Variants in ATRNL1 observed in about 807,000 individuals in gnomAD.
The protein encoded by ATRNL1 is attractin like 1.
Under a neutral mutation model 182.7 loss-of-function variants are expected in ATRNL1, and 95 were observed. That is an observed-to-expected ratio of 0.52 (90% CI 0.44 to 0.62). The LOEUF is 0.62. Among genes scored for constraint, ATRNL1 ranks in the 20% least tolerant of loss-of-function variants. The pLI is 0.00. For synonymous variants in ATRNL1, 576 were observed against 568.3 expected (o/e 1.01, Z -0.19); for missense variants, 1,471 against 1,679.5 (o/e 0.88, Z 2.17).
intron 8 of ATRNL1, among the ~76,000 whole-genome samples, chr10:115,193,825 G>T (rs1848255226): frequency 6.6e-6 from 1 of 151,366 alleles, no homozygotes; most frequent in Non-Finnish European, 1.5e-5. Context: ...TTTTTTTAAT[G>T]TAAGGATTTA....
intron 10 of ATRNL1, among the ~76,000 whole-genome samples, chr10:115,249,190 C>T (rs550178227): frequency 6.6e-6 from 1 of 152,132 alleles, no homozygotes; most frequent in East Asian, 1.9e-4. Context: ...GACAGGATTT[C>T]ATCATGTTGG....
chr10:115,712,325 G>T (rs1947085630), intron 26 of ATRNL1, among the ~76,000 whole-genome samples: 1 of 152,270 alleles, frequency 6.6e-6, no homozygotes, highest in African/African-American at 2.4e-5. Context: ...CAGGCAAAAT[G>T]ATATGCCTAA....
intron 19 of ATRNL1, among the ~76,000 whole-genome samples, chr10:115,348,651 T>C (rs782544474): frequency 6.6e-6 from 1 of 152,160 alleles, no homozygotes; most frequent in Non-Finnish European, 1.5e-5. Context: ...TAAATACTTA[T>C]TGAATGCCTA....
intron 25 of ATRNL1, among the ~76,000 whole-genome samples, chr10:115,544,175 T>C (rs1190632435): frequency 1.3e-5 from 2 of 152,152 alleles, no homozygotes; most frequent in Admixed American, 6.5e-5. Flanking sequence ...TGTTCAATGA[T>C]ACCCATTAAA....
At chr10:115,912,807 T>G (rs563676169) in intron 28 of ATRNL1, among the ~76,000 whole-genome samples, 6 of 152,182 alleles carry the variant, frequency 3.9e-5, no homozygotes, top group Non-Finnish European at 8.8e-5. Flanking sequence ...CTTGGAAGAA[T>G]GTCATCACTC....
intron 5 of ATRNL1, among the ~76,000 whole-genome samples, chr10:115,142,273 G>A (rs1845783178): frequency 6.6e-6 from 1 of 152,160 alleles, no homozygotes; most frequent in Non-Finnish European, 1.5e-5. Context: ...AAGCAAGAGA[G>A]TTCAACCATA....
chr10:115,112,163 G>A (rs1347464548), intron 1 of ATRNL1, among the ~76,000 whole-genome samples: 3 of 152,074 alleles, frequency 2.0e-5, no homozygotes, highest in African/African-American at 7.2e-5. Flanking sequence ...GGTGACACAA[G>A]TAAATGGAAA....
At chr10:115,104,318 CCTTTTGACATTGGTATGTCTT>C (rs1554865371) in intron 1 of ATRNL1, among the ~76,000 whole-genome samples, 1 of 152,018 alleles carries the variant, frequency 6.6e-6, no homozygotes, top group African/African-American at 2.4e-5. Context: ...TTTTTATTTA[CCTTTTGACATTGGTATGTCTT>C]CTTTTGAGAA....
chr10:115,916,851 A>C (rs1363185839), intron 28 of ATRNL1, among the ~76,000 whole-genome samples: 1 of 152,074 alleles, frequency 6.6e-6, no homozygotes, highest in East Asian at 1.9e-4. Context: ...ACTTTGAGAT[A>C]CCCAGAATCC....
At chr10:115,840,217 A>G (rs1168128908) in intron 27 of ATRNL1, among the ~76,000 whole-genome samples, 1 of 152,104 alleles carries the variant, frequency 6.6e-6, no homozygotes, top group Non-Finnish European at 1.5e-5. Flanking sequence ...GAAGTTTGGC[A>G]TTGGGATTAG....
chr10:115,279,983 T>A (rs1852284486), intron 13 of ATRNL1, among the ~76,000 whole-genome samples: 1 of 152,154 alleles, frequency 6.6e-6, no homozygotes, highest in South Asian at 2.1e-4. Context: ...ACTAGTAATA[T>A]TTCTCCAAGG....
intron 19 of ATRNL1, among the ~76,000 whole-genome samples, chr10:115,347,229 T>A (rs1416879746): frequency 6.6e-6 from 1 of 152,188 alleles, no homozygotes; most frequent in Non-Finnish European, 1.5e-5. Flanking sequence ...CCTGTTGTAT[T>A]CACTGTTATA....
intron 21 of ATRNL1, among the ~76,000 whole-genome samples, chr10:115,456,135 G>A (rs534970986): frequency 6.6e-6 from 1 of 152,240 alleles, no homozygotes; most frequent in South Asian, 2.1e-4. Flanking sequence ...CCATTACTGG[G>A]TATATAACCT....
At chr10:115,192,449 G>A (rs1032856535) in intron 8 of ATRNL1, among the ~76,000 whole-genome samples, 3 of 151,926 alleles carry the variant, frequency 2.0e-5, no homozygotes, top group Non-Finnish European at 4.4e-5. Context: ...TGTTGCATTG[G>A]TCTATATTTC....
intron 21 of ATRNL1, among the ~76,000 whole-genome samples, chr10:115,444,998 TG>T (rs1178914467): frequency 6.6e-6 from 1 of 151,960 alleles, no homozygotes; most frequent in Non-Finnish European, 1.5e-5. Flanking sequence ...CCCAAAGTGC[TG>T]GGATTACAGG....
At chr10:115,338,423 G>A (rs1855594116) in intron 19 of ATRNL1, among the ~76,000 whole-genome samples, 1 of 152,116 alleles carries the variant, frequency 6.6e-6, no homozygotes. Context: ...TTGGATATAA[G>A]CCATTTTAAC....
intron 27 of ATRNL1, among the ~76,000 whole-genome samples, chr10:115,750,474 G>T (rs1281826348): frequency 6.6e-6 from 1 of 151,526 alleles, no homozygotes; most frequent in Non-Finnish European, 1.5e-5. Context: ...ATTCTAAAAA[G>T]ATCAAAAATT....
chr10:115,549,389 A>G, intron 25 of ATRNL1, 69 bp from the exon 26 acceptor site: 1 of 1,117,750 alleles, frequency 8.9e-7, no homozygotes, highest in Non-Finnish European at 1.3e-6. Context: ...TGAGTCTTTC[A>G]TGTACTGTTT....
At chr10:115,739,854 A>G (rs1483354473) in intron 27 of ATRNL1, among the ~76,000 whole-genome samples, 1 of 152,154 alleles carries the variant, frequency 6.6e-6, no homozygotes, top group Non-Finnish European at 1.5e-5. Context: ...CACTAAATTT[A>G]TGATTTTGCT....
Sources: allele counts gnomAD v4.1 joint callset (sites outside exome capture counted in the v4.1 genomes callset), GRCh38; gene constraint gnomAD v4.1.1; transcripts MANE v1.5; gene names NCBI Gene and HGNC (gene_info 2026-07-23, HGNC 2026-07-21).